The following TENT5D variants were observed in gnomAD, a reference collection of about 807,000 sequenced individuals.
The protein encoded by TENT5D is terminal nucleotidyltransferase 5D, also known as cancer/testis antigen 112.
For synonymous variants in TENT5D, 103 were observed against 100.6 expected (o/e 1.02, Z -0.15); for missense variants, 191 against 287.0 (o/e 0.67, Z 2.42).
intron 3 of TENT5D, among the ~76,000 whole-genome samples, chrX:80,344,498 G>A (rs1288232550): frequency 9.1e-6 from 1 of 109,506 alleles, no homozygotes; most frequent in Non-Finnish European, 1.9e-5. Flanking sequence ...TAGCCATACT[G>A]ACTGGCGTGA....
intron 3 of TENT5D, among the ~76,000 whole-genome samples, chrX:80,353,453 C>T (rs1219919133): frequency 9.0e-6 from 1 of 110,992 alleles, no homozygotes; most frequent in Non-Finnish European, 1.9e-5. Flanking sequence ...TTCATCTAGG[C>T]CCTGGTGTCT....
chrX:80,337,250 T>G (rs1929869587), intron 2 of TENT5D, among the ~76,000 whole-genome samples: 1 of 111,768 alleles, frequency 8.9e-6, no homozygotes, highest in Non-Finnish European at 1.9e-5. Flanking sequence ...TTATAAAATG[T>G]GTGTGCAAAA....
At chrX:80,370,857 G>C (rs1426878224) in intron 3 of TENT5D, among the ~76,000 whole-genome samples, 1 of 111,424 alleles carries the variant, frequency 9.0e-6, no homozygotes, top group East Asian at 2.8e-4. Flanking sequence ...CAAATGATAT[G>C]ACAATACAAT....
In TENT5D at chrX:80,435,967, G is replaced by A. The variant is rs1000287293; in HGVS notation, c.-141-2643G>A. Among the ~76,000 whole-genome samples the A allele has an allele frequency of 2.1e-4, 24 of 111,898 alleles. 1 individual carries two copies. Among genetic ancestry groups the A allele is most frequent in the Non-Finnish European group, 3.8e-5 (2 of 53,125 alleles). On this transcript the variant is annotated intron_variant, in intron 1 of 2. Transcript: ENST00000308293. ...AATTAGTGTTACAACCATAGATAAA[G>A]TATCTGCCTTAAGGTGTTGCAACTA...
intron 3 of TENT5D, among the ~76,000 whole-genome samples, chrX:80,359,509 C>T (rs997704982): frequency 5.4e-5 from 6 of 111,203 alleles, no homozygotes; most frequent in African/African-American, 1.6e-4. Flanking sequence ...AGCTGGAAAC[C>T]ATAATCCTCA....
chrX:80,385,928 T>A (rs1175155826), intron 3 of TENT5D, among the ~76,000 whole-genome samples: 1 of 111,912 alleles, frequency 8.9e-6, no homozygotes, highest in Non-Finnish European at 1.9e-5. Flanking sequence ...AAACAACAGG[T>A]GCTGGAGAGG....
chrX:80,417,089 A>C (rs1931791912), upstream of TENT5D, among the ~76,000 whole-genome samples: 1 of 108,235 alleles, frequency 9.2e-6, no homozygotes, highest in African/African-American at 3.4e-5. Flanking sequence ...TTGTTGCTTT[A>C]AAATCTGTTC....
intron 3 of TENT5D, among the ~76,000 whole-genome samples, chrX:80,364,248 CT>C (rs1930463138): frequency 9.0e-6 from 1 of 111,541 alleles, no homozygotes; most frequent in Admixed American, 9.6e-5. Flanking sequence ...ATGATTACCC[CT>C]AATTCAGGAC....
rs72029455 is a variant in TENT5D, at chrX:80,392,495, C to CTTTTTT, written c.-141-46088_-141-46083dup. 2.3e-3 allele frequency among the ~76,000 whole-genome samples: 55 copies of CTTTTTT among 24,302 alleles called. 3 individuals are homozygous for CTTTTTT. The highest frequency in any genetic ancestry group is 3.2e-3 in the African/African-American group (16 of 5,010). 21.1% of individuals were successfully genotyped at this position (24,302 alleles called of 115,157 possible). A position where few individuals can be genotyped will look rare whatever the true frequency, so the allele number is the denominator to read the frequency against. On this transcript the variant is annotated intron_variant, in intron 3 of 4. Transcript: ENST00000538312. ...TTTATAGCTTTATTCTCATTTTATT[C>CTTTTTT]TTTTTTTTTTTTTTTTTTTTTTTTT...
chrX:80,342,698 C>T (rs1172941741), intron 3 of TENT5D: 2 of 111,410 alleles, frequency 1.8e-5, no homozygotes, highest in Non-Finnish European at 3.8e-5. Flanking sequence ...TTTTAGACAA[C>T]CCATAATTCA....
In TENT5D at chrX:80,354,484, T is replaced by G. The variant is rs201375008; in HGVS notation, c.-142+11920T>G. Among the ~76,000 whole-genome samples, 11 of 112,463 alleles carry G rather than the reference T, an allele frequency of 9.8e-5. No homozygotes were observed. In the East Asian group the frequency reaches 2.8e-3, roughly 29 times the overall value. The stretch of plus-strand genomic sequence containing the variant: ...TCCTCAGCTCAATCTATTCTGTTAT[T>G]AATGTTTCCAATGCTTTCTGAAATT... On this transcript the variant is annotated intron_variant, in intron 3 of 4. Coordinates refer to the TENT5D transcript ENST00000538312.
intron 3 of TENT5D, among the ~76,000 whole-genome samples, chrX:80,347,498 G>T (rs1215683253): frequency 2.7e-5 from 3 of 111,896 alleles, no homozygotes; most frequent in Non-Finnish European, 5.6e-5. Flanking sequence ...CATATCCTTT[G>T]CCCACTTTTT....
At chrX:80,344,685 G>T (rs1930026689) in intron 3 of TENT5D, among the ~76,000 whole-genome samples, 1 of 111,071 alleles carries the variant, frequency 9.0e-6, no homozygotes, top group Non-Finnish European at 1.9e-5. Context: ...CATAGCAGAA[G>T]TGGTAGTGCT....
intron 3 of TENT5D, among the ~76,000 whole-genome samples, chrX:80,411,195 GTAAC>G (rs1931657391): frequency 9.2e-6 from 1 of 108,365 alleles, no homozygotes; most frequent in Non-Finnish European, 1.9e-5. Flanking sequence ...GTATACATAT[GTAAC>G]TAACCTGCAC....
intron 2 of TENT5D, 140 bp downstream of exon 2, chrX:80,438,872 C>G (rs890280969): frequency 1.8e-5 from 2 of 111,045 alleles, no homozygotes; most frequent in Non-Finnish European, 3.8e-5. Context: ...ATTACATTTT[C>G]TTTATTATAC....
intron 3 of TENT5D, among the ~76,000 whole-genome samples, chrX:80,391,310 A>T (rs1931122547): frequency 9.0e-6 from 1 of 111,676 alleles, no homozygotes; most frequent in Non-Finnish European, 1.9e-5. Context: ...TAGGGAGGTG[A>T]GGTTAATATA....
At chrX:80,391,904 C>G (rs1191288460) in intron 3 of TENT5D, among the ~76,000 whole-genome samples, 1 of 112,480 alleles carries the variant, frequency 8.9e-6, no homozygotes, top group African/African-American at 3.2e-5. Flanking sequence ...AGCAACCTGT[C>G]TTTGTTTACT....
intron 3 of TENT5D, among the ~76,000 whole-genome samples, chrX:80,364,108 A>G (rs983077384): frequency 8.9e-6 from 1 of 112,217 alleles, no homozygotes; most frequent in South Asian, 3.6e-4. Context: ...TTTTAGCAAC[A>G]TCTATATACA....
rs144016491 is a variant in TENT5D at position 80,382,005 on chromosome X, C to T, written c.-142+39441C>T. ...CTGTCCAGCTTTATTCCGTTGCTGG[C>T]GAGGAGCTGCAATCCTTTGAGTAGA... On this transcript the variant is annotated intron_variant, in intron 3 of 4. Transcript: ENST00000538312. Among the ~76,000 whole-genome samples, 148 of 112,207 alleles carry T rather than the reference C, an allele frequency of 1.3e-3. No individual in the cohort carries two copies. The South Asian group carries it at 0.017, about 13-fold the overall frequency.
Sources: allele counts gnomAD v4.1 joint callset (sites outside exome capture counted in the v4.1 genomes callset), GRCh38; gene constraint gnomAD v4.1.1; transcripts MANE v1.5; gene names NCBI Gene and HGNC (gene_info 2026-07-23, HGNC 2026-07-21).